CACUL1: variants seen among roughly 807,000 people sequenced by gnomAD.
CACUL1 encodes CDK2 associated cullin domain 1, also known as CDK2-associated and cullin domain-containing protein 1.
In CACUL1, 13 loss-of-function variants were observed where a neutral mutation model predicts 45.2. The observed-to-expected ratio is 0.29, with a 90% CI of 0.19 to 0.46. CACUL1 has a LOEUF of 0.46. Ranked by LOEUF, CACUL1 falls within the 20% of genes least tolerant of loss-of-function variation. CACUL1 has a pLI of 1.00. For missense variants in CACUL1, 421 were observed against 471.4 expected (o/e 0.89, Z 0.99); for synonymous variants, 197 against 174.2 (o/e 1.13, Z -1.03).
chr10:118,729,841 A>C (rs1319666520), intron 2 of CACUL1, among the ~76,000 whole-genome samples: 1 of 152,192 alleles, frequency 6.6e-6, no homozygotes, highest in African/African-American at 2.4e-5. Flanking sequence ...CATACTTGTC[A>C]CTTCCTCCTT....
At chr10:118,696,523 A>G (rs909965839) in intron 5 of CACUL1, among the ~76,000 whole-genome samples, 1 of 152,216 alleles carries the variant, frequency 6.6e-6, no homozygotes, top group African/African-American at 2.4e-5. Flanking sequence ...AGGCGCCTGT[A>G]ATCCCAGCTA....
chr10:118,686,234 G>T, intron 8 of CACUL1, 66 bp from the exon 9 acceptor site: 2 of 1,325,760 alleles, frequency 1.5e-6, no homozygotes, highest in Non-Finnish European at 2.2e-6. Flanking sequence ...GCAGGAATCT[G>T]TTTATTCAAC....
intron 3 of CACUL1, among the ~76,000 whole-genome samples, chr10:118,721,219 A>C (rs1845597198): frequency 1.3e-5 from 2 of 152,254 alleles, no homozygotes; most frequent in African/African-American, 4.8e-5. Flanking sequence ...CCCACTGGAC[A>C]AAAAATAAAT....
intron 1 of CACUL1, among the ~76,000 whole-genome samples, chr10:118,741,736 G>A (rs944226071): frequency 6.6e-6 from 1 of 151,994 alleles, no homozygotes; most frequent in Admixed American, 6.6e-5. Flanking sequence ...CTCTCTATCC[G>A]CTCTAAATTA....
At chr10:118,710,806 C>T (rs1845476958) in intron 3 of CACUL1, among the ~76,000 whole-genome samples, 1 of 152,206 alleles carries the variant, frequency 6.6e-6, no homozygotes, top group Non-Finnish European at 1.5e-5. Context: ...CAAATCTAAA[C>T]TTTGACTCTA....
At chr10:118,719,977 T>C (rs1845585133) in intron 3 of CACUL1, among the ~76,000 whole-genome samples, 1 of 152,188 alleles carries the variant, frequency 6.6e-6, no homozygotes, top group African/African-American at 2.4e-5. Context: ...ATATACATAT[T>C]AGACACTTCT....
chr10:118,703,122 A>T (rs1845399410), intron 4 of CACUL1, among the ~76,000 whole-genome samples: 1 of 152,088 alleles, frequency 6.6e-6, no homozygotes, highest in African/African-American at 2.4e-5. Flanking sequence ...TTCTCTCTTT[A>T]AAAAAATATA....
At chr10:118,713,433 C>T (rs934301785) in intron 3 of CACUL1, among the ~76,000 whole-genome samples, 8 of 152,190 alleles carry the variant, frequency 5.3e-5, no homozygotes, top group Non-Finnish European at 5.9e-5. Context: ...GAGCATGCAG[C>T]CCCACCTGTT....
In CACUL1 at chr10:118,677,827, C is replaced by A. The variant is rs759215362; in HGVS notation, c.*8301G>T. The A allele has an allele frequency of 6.6e-6, 1 of 152,146 alleles. No individual in the cohort carries two copies. The highest frequency in any genetic ancestry group is 6.5e-5 in the Admixed American group (1 of 15,280). 9.4% of individuals were successfully genotyped at this position (152,146 alleles called of 1,614,324 possible). On this transcript the variant is annotated 3_prime_UTR_variant, in exon 9 of 9. Coordinates refer to ENST00000369151, the MANE Select transcript of CACUL1 (RefSeq NM_153810.5). Reference sequence around the variant, plus strand: ...ATGCTGTTATAAACATCCCTGTATACGTTTCTTGGTACACATGCACATGAG... The same window carrying A: ...ATGCTGTTATAAACATCCCTGTATAAGTTTCTTGGTACACATGCACATGAG...
chr10:118,728,627 G>A (rs1845673539), intron 3 of CACUL1, among the ~76,000 whole-genome samples: 1 of 152,136 alleles, frequency 6.6e-6, no homozygotes, highest in African/African-American at 2.4e-5. Flanking sequence ...TCAAGCCCTG[G>A]TATAAAGATT....
At chr10:118,745,030 A>T (rs540263691) in intron 1 of CACUL1, among the ~76,000 whole-genome samples, 2 of 152,342 alleles carry the variant, frequency 1.3e-5, no homozygotes, top group East Asian at 3.9e-4. Flanking sequence ...ATTATGACAT[A>T]TATTAAAGTT....
intron 3 of CACUL1, chr10:118,726,395 T>C: frequency 1.8e-6 from 2 of 1,136,280 alleles, no homozygotes; most frequent in Non-Finnish European, 2.3e-6. Flanking sequence ...TGAGTTGTAA[T>C]TGTGGCAGAC....
chr10:118,691,829 T>TGCACTCCAG (rs1845272097), intron 6 of CACUL1, among the ~76,000 whole-genome samples: 1 of 129,144 alleles, frequency 7.7e-6, no homozygotes, highest in Admixed American at 9.5e-5. Flanking sequence ...ATCGCACCAC[T>TGCACTCCAG]GCACTCCAGC....
chr10:118,731,771 G>A (rs770782345), intron 1 of CACUL1, among the ~76,000 whole-genome samples: 3 of 152,126 alleles, frequency 2.0e-5, no homozygotes, highest in Non-Finnish European at 4.4e-5. Context: ...AACTATGGTG[G>A]GGGATACACC....
At chr10:118,752,747 TA>T (rs1038851860) in intron 1 of CACUL1, among the ~76,000 whole-genome samples, 10 of 152,238 alleles carry the variant, frequency 6.6e-5, no homozygotes, top group Admixed American at 1.3e-4. Context: ...GCAGAGCTTC[TA>T]AAAAGGGAGA....
intron 5 of CACUL1, among the ~76,000 whole-genome samples, chr10:118,698,854 T>C (rs1589604372): frequency 1.3e-5 from 2 of 152,346 alleles, no homozygotes; most frequent in East Asian, 3.9e-4. Context: ...CAGATCTATC[T>C]GAAGCCACGG....
chr10:118,693,453 C>A, intron 6 of CACUL1: 1 of 183,216 alleles, frequency 5.5e-6, no homozygotes, highest in Non-Finnish European at 1.2e-5. Flanking sequence ...AAGGACAATT[C>A]TCAAATATAG....
intron 1 of CACUL1, among the ~76,000 whole-genome samples, chr10:118,746,497 A>G (rs898519256): frequency 1.3e-5 from 2 of 152,220 alleles, no homozygotes; most frequent in African/African-American, 2.4e-5. Context: ...AGCTAAAACC[A>G]TAAAACTGCT....
chr10:118,694,755 T>C (rs1479271735), intron 6 of CACUL1, among the ~76,000 whole-genome samples: 1 of 152,254 alleles, frequency 6.6e-6, no homozygotes, highest in Non-Finnish European at 1.5e-5. Flanking sequence ...CCAACACTTC[T>C]AGATTCTTCG....
Sources: allele counts gnomAD v4.1 joint callset (sites outside exome capture counted in the v4.1 genomes callset), GRCh38; gene constraint gnomAD v4.1.1; transcripts MANE v1.5; gene names NCBI Gene and HGNC (gene_info 2026-07-23, HGNC 2026-07-21).